WASF2: variants seen among roughly 807,000 people sequenced by gnomAD.
WASF2 encodes the protein actin-binding protein WASF2.
Under a neutral mutation model 45.0 loss-of-function variants are expected in WASF2, and 14 were observed. The ratio of observed to expected loss-of-function variants is 0.31; its 90% CI spans 0.21 to 0.49. The LOEUF (loss-of-function observed/expected upper bound fraction) is 0.49, where lower values mean the gene tolerates loss of function less well. WASF2 is among the 20% of genes least tolerant of loss of function. The pLI, the probability that WASF2 is intolerant of heterozygous loss-of-function variation, is 0.99. For synonymous variants in WASF2, 200 were observed against 236.3 expected (o/e 0.85, Z 1.41); for missense variants, 439 against 636.1 (o/e 0.69, Z 3.33).
intron 1 of WASF2, among the ~76,000 whole-genome samples, chr1:27,454,153 GTATATATA>G (rs869245464): frequency 8.0e-4 from 79 of 98,656 alleles, no homozygotes; most frequent in African/African-American, 6.1e-4. Context: ...GTGTGTGTGT[GTATATATA>G]TATATATATA....
At chr1:27,455,470 G>T (rs1053267780) in intron 1 of WASF2, among the ~76,000 whole-genome samples, 9 of 152,276 alleles carry the variant, frequency 5.9e-5, no homozygotes, top group East Asian at 1.9e-4. Flanking sequence ...GGTTAGGGAT[G>T]TGAGAAGGGC....
At position 27,454,357 on chromosome 1, in the gene WASF2, A is replaced by AT. The variant is rs1230996245; in HGVS notation, c.-43-25425dup. Among the ~76,000 whole-genome samples, 895 of 139,060 alleles carry AT rather than the reference A, an allele frequency of 6.4e-3. 3 individuals are homozygous for AT. The highest frequency in any genetic ancestry group is 0.01 in the South Asian group (45 of 4,336). 91.2% of individuals were successfully genotyped at this position (139,060 alleles called of 152,430 possible). A position where few individuals can be genotyped will look rare whatever the true frequency, so the allele number is the denominator to read the frequency against. The stretch of plus-strand genomic sequence containing the variant: ...AAGCGTGTGCCACCATGCCCAACTA[A>AT]TTTTTTTTTTTTTTGAGACTGTTTT... On this transcript the variant is annotated intron_variant, in intron 1 of 8. Transcript: ENST00000618852.
chr1:27,411,773 GA>G (rs1368521513), intron 7 of WASF2, among the ~76,000 whole-genome samples: 2 of 152,224 alleles, frequency 1.3e-5, no homozygotes, highest in Non-Finnish European at 2.9e-5. Context: ...TAAGGCAAGA[GA>G]ATGGCATGAA....
At chr1:27,463,799 TTATTA>T (rs2017579878) in intron 1 of WASF2, among the ~76,000 whole-genome samples, 4 of 148,788 alleles carry the variant, frequency 2.7e-5, no homozygotes, top group African/African-American at 1.0e-4. Context: ...TATATTATTA[TTATTA>T]TTTTTTTTTT....
chr1:27,471,047 A>G (rs971571402), intron 1 of WASF2, among the ~76,000 whole-genome samples: 1 of 152,182 alleles, frequency 6.6e-6, no homozygotes, highest in Non-Finnish European at 1.5e-5. Flanking sequence ...AACAGAAGAC[A>G]TAAGAGTAGG....
chr1:27,430,493 T>C (rs935619409), intron 1 of WASF2, among the ~76,000 whole-genome samples: 12 of 152,264 alleles, frequency 7.9e-5, no homozygotes, highest in Admixed American at 3.3e-4. Context: ...CCCAAGTAGT[T>C]AGGATTACAG....
intron 2 of WASF2, among the ~76,000 whole-genome samples, chr1:27,423,491 T>A (rs978738924): frequency 6.6e-6 from 1 of 152,250 alleles, no homozygotes; most frequent in African/African-American, 2.4e-5. Flanking sequence ...CTAAATACCC[T>A]AAGTTTTAAG....
chr1:27,409,428 CAAAAA>C (rs60940665), intron 8 of WASF2, among the ~76,000 whole-genome samples: 12 of 43,690 alleles, frequency 2.7e-4, no homozygotes, highest in South Asian at 5.6e-4. Flanking sequence ...CTGTCCCCCA[CAAAAA>C]AAAAAAAAAA....
intron 1 of WASF2, among the ~76,000 whole-genome samples, chr1:27,487,036 ATC>A (rs1445070915): frequency 6.3e-5 from 9 of 142,586 alleles, no homozygotes; most frequent in Admixed American, 2.8e-4. Context: ...TTTATATATA[ATC>A]TGTTACATAT....
intron 4 of WASF2, among the ~76,000 whole-genome samples, chr1:27,416,429 C>T (rs754094930): frequency 9.9e-5 from 15 of 152,150 alleles, no homozygotes; most frequent in Admixed American, 4.6e-4. Context: ...TGAGGATATT[C>T]GGATTTCCTG....
intron 1 of WASF2, among the ~76,000 whole-genome samples, chr1:27,471,884 C>T (rs1286790682): frequency 6.6e-6 from 1 of 152,176 alleles, no homozygotes; most frequent in East Asian, 1.9e-4. Flanking sequence ...ATATACTAAA[C>T]ACATCCATTT....
intron 1 of WASF2, among the ~76,000 whole-genome samples, chr1:27,432,089 C>T (rs1372319150): frequency 6.6e-6 from 1 of 152,154 alleles, no homozygotes; most frequent in Non-Finnish European, 1.5e-5. Flanking sequence ...TGGAGTTATG[C>T]ATGATCTGAA....
intron 1 of WASF2, among the ~76,000 whole-genome samples, chr1:27,465,370 C>T (rs1283552049): frequency 1.3e-5 from 2 of 152,180 alleles, no homozygotes; most frequent in African/African-American, 4.8e-5. Context: ...CCATTCTCAG[C>T]TATTCATTAA....
At chr1:27,466,555 A>G (rs1437324533) in intron 1 of WASF2, among the ~76,000 whole-genome samples, 2 of 152,242 alleles carry the variant, frequency 1.3e-5, no homozygotes, top group African/African-American at 2.4e-5. Context: ...CAAAGCACCA[A>G]CTTTCAAAGA....
chr1:27,424,603 G>A (rs2148109275), intron 2 of WASF2, among the ~76,000 whole-genome samples: 1 of 152,092 alleles, frequency 6.6e-6, no homozygotes, highest in Non-Finnish European at 1.5e-5. Context: ...CACCTTCTGG[G>A]CTCAAGTGAT....
At chr1:27,458,586 G>C (rs1212542104) in intron 1 of WASF2, among the ~76,000 whole-genome samples, 5 of 151,974 alleles carry the variant, frequency 3.3e-5, no homozygotes. Context: ...CTTGAGGCCA[G>C]GAGTTTGAGA....
intron 1 of WASF2, among the ~76,000 whole-genome samples, chr1:27,444,185 T>A (rs2017283428): frequency 6.6e-6 from 1 of 152,120 alleles, no homozygotes. Flanking sequence ...GCTCAAGCAA[T>A]CCTCCCACCT....
At chr1:27,470,842 C>T (rs2017678180) in intron 1 of WASF2, among the ~76,000 whole-genome samples, 1 of 152,118 alleles carries the variant, frequency 6.6e-6, no homozygotes, top group African/African-American at 2.4e-5. Context: ...TAAAACCCAT[C>T]CTTAAAACCA....
intron 1 of WASF2, among the ~76,000 whole-genome samples, chr1:27,489,262 A>G (rs967847659): frequency 1.9e-4 from 27 of 143,696 alleles, no homozygotes; most frequent in African/African-American, 5.7e-4. Flanking sequence ...GCACACACAC[A>G]CACACACACA....
Sources: allele counts gnomAD v4.1 joint callset (sites outside exome capture counted in the v4.1 genomes callset), GRCh38; gene constraint gnomAD v4.1.1; transcripts MANE v1.5; gene names NCBI Gene and HGNC (gene_info 2026-07-23, HGNC 2026-07-21).